Variants in USP6NL observed in about 807,000 individuals in gnomAD.
USP6NL encodes USP6 N-terminal like.
In USP6NL, 26 loss-of-function variants were observed where a neutral mutation model predicts 61.9. That is an observed-to-expected ratio of 0.42 (90% CI 0.31 to 0.58). The LOEUF is 0.58. Among genes scored for constraint, USP6NL ranks in the 20% least tolerant of loss-of-function variants. The probability of loss-of-function intolerance (pLI) is 0.16; values close to 1 mark genes in which losing one functional copy is unlikely to be tolerated. For synonymous variants in USP6NL, 432 were observed against 390.1 expected (o/e 1.11, Z -1.27); for missense variants, 1,114 against 1,034.3 (o/e 1.08, Z -1.06).
Position 11,598,092 on chromosome 10 carries a change from AT to A in USP6NL, c.-83-376del, listed in dbSNP as rs1485029559. ...ACAGCCCACATCATCCCTGCTGAGT[AT>A]ATTTTGACTGCACATAAATGATTAA... On this transcript the variant is annotated intron_variant, in intron 1 of 14. Transcript: ENST00000609104. This position sits in a 1 kb window ranked among gnomAD's most constrained non-coding sequence, Gnocchi z 4.7. Among the ~76,000 whole-genome samples, 4 of 152,206 alleles carry A rather than the reference AT, an allele frequency of 2.6e-5. No homozygotes were observed. The highest frequency in any genetic ancestry group is 9.6e-5 in the African/African-American group (4 of 41,462).
Position 11,485,847 on chromosome 10 carries a change from G to T in USP6NL, c.729C>A (p.Asn243Lys), listed in dbSNP as rs1002618491. The T allele has an allele frequency of 1.9e-6, 3 of 1,556,128 alleles. No homozygotes were observed. Among genetic ancestry groups the T allele is most frequent in the Admixed American group, 2.0e-5 (1 of 50,790 alleles). Residue 243 changes from asparagine to lysine, a missense_variant, in exon 11 of 15, where the codon AAC (asparagine) becomes AAA (lysine). Physicochemically the swap from Asn to Lys is moderately conservative, Grantham distance 94. Transcript: ENST00000609104. The surrounding 1 kb of genome is among the most constrained non-coding windows in gnomAD (Gnocchi z 4.8). ...GTTGCTTAAGCTTGGACAGAAATTT[G>T]TTCAGTATTTTTTCATGATGTTCTT... Reference protein sequence around the residue: ...RFQEHHEKILNKFLSKLKQHL... With the variant: ...RFQEHHEKILKKFLSKLKQHL...
rs66717319 is a variant in USP6NL, at chr10:11,528,304, C to CA, written c.5-738dup. ...AGACTATATAAAAGGCTTCTCTTAC[C>CA]AAAAAAAAAAAGCATTCTAAGAGAA... On this transcript the variant is annotated intron_variant, in intron 2 of 14. Transcript: ENST00000609104. This position sits in a 1 kb window ranked among gnomAD's most constrained non-coding sequence, Gnocchi z 4.6. Among the ~76,000 whole-genome samples, 501 of 135,442 alleles carry CA rather than the reference C, an allele frequency of 3.7e-3. 2 individuals carry two copies. Among genetic ancestry groups the CA allele is most frequent in the African/African-American group, 0.012 (419 of 36,084 alleles). The allele number at this position is 135,442 out of a possible 152,430, so 88.9% of individuals were successfully genotyped here.
chr10:11,540,241 G>A lies in USP6NL; in HGVS notation c.5-12674C>T, dbSNP rs974121010. Reference sequence around the variant, plus strand: ...ATGAATGGTATTCTGAAGAATCCAAGAACAATTTATATGAAATATTCTTTG... The same window carrying A: ...ATGAATGGTATTCTGAAGAATCCAAAAACAATTTATATGAAATATTCTTTG... On this transcript the variant is annotated intron_variant, in intron 2 of 14. Coordinates refer to ENST00000609104, the MANE Select transcript of USP6NL (RefSeq NM_014688.5). This position sits in a 1 kb window ranked among gnomAD's most constrained non-coding sequence, Gnocchi z 5.0. 1.1e-4 allele frequency among the ~76,000 whole-genome samples: 17 copies of A among 152,150 alleles called. No individual in the cohort carries two copies. Among genetic ancestry groups the A allele is most frequent in the African/African-American group, 3.9e-4 (16 of 41,440 alleles).
rs993868744 is a variant in USP6NL at position 11,597,207 on chromosome 10, C to T, written c.4+424G>A. ...CCTTGGTTCTTTGTTCTATCAGAGA[C>T]ATTGATAGATTGTTAGGGGTTTTTT... On this transcript the variant is annotated intron_variant, in intron 2 of 14. Transcript: ENST00000609104. The surrounding 1 kb of genome is among the most constrained non-coding windows in gnomAD (Gnocchi z 4.6). 2.0e-5 allele frequency among the ~76,000 whole-genome samples: 3 copies of T among 152,176 alleles called. No homozygotes were observed. Among genetic ancestry groups the T allele is most frequent in the African/African-American group, 7.2e-5 (3 of 41,442 alleles).
In USP6NL at chr10:11,489,136, G is replaced by C. The variant is rs761910933; in HGVS notation, c.630C>G (p.Val210=). Reference sequence around the variant, plus strand: ...CATGTTTAGGGCCTGAGAAGAGTTTGACCAGGGCCCAGAAGGCATCTTCCT... The same window carrying C: ...CATGTTTAGGGCCTGAGAAGAGTTTCACCAGGGCCCAGAAGGCATCTTCCT... The part of the protein sequence containing the change: ...MNEEDAFWAL[V]KLFSGPKHAM... The change falls in exon 10 of 15, where the codon GTC becomes GTG. Residue 210 remains valine (V), a synonymous_variant. Transcript: ENST00000609104. This position sits in a 1 kb window ranked among gnomAD's most constrained non-coding sequence, Gnocchi z 5.7. 1.2e-6 allele frequency: 2 copies of C among 1,613,914 alleles called. No individual in the cohort carries two copies. The highest frequency in any genetic ancestry group is 2.2e-5 in the East Asian group (1 of 44,876).
Position 11,562,400 on chromosome 10 carries a change from T to A in USP6NL, c.5-34833A>T, listed in dbSNP as rs35345466. The A allele has an allele frequency of 0.24, 236,926 of 985,058 alleles. 30,301 individuals carry two copies. The highest frequency in any genetic ancestry group is 0.26 in the Non-Finnish European group (216,952 of 829,660). 61.0% of individuals were successfully genotyped at this position (985,058 alleles called of 1,614,324 possible). On this transcript the variant is annotated intron_variant, in intron 2 of 14. Coordinates refer to ENST00000609104, the MANE Select transcript of USP6NL (RefSeq NM_014688.5). This position sits in a 1 kb window ranked among gnomAD's most constrained non-coding sequence, Gnocchi z 4.8. ...GACACCAACTTCAGATTTCCCCTTT[T>A]CCTTTTTCTTCTTGCTTGGCTCTTG... is the stretch of plus-strand genomic sequence containing the variant.
At chr10:11,560,456 G>A (rs1019690003) in intron 2 of USP6NL, among the ~76,000 whole-genome samples, 9 of 151,910 alleles carry the variant, frequency 5.9e-5, no homozygotes, top group Non-Finnish European at 2.9e-5. Context: ...CATCTTACTA[G>A]TAAGGAGCAG....
At chr10:11,501,588 C>T (rs887811510) in intron 6 of USP6NL, among the ~76,000 whole-genome samples, 4 of 152,194 alleles carry the variant, frequency 2.6e-5, no homozygotes, top group African/African-American at 9.7e-5. Flanking sequence ...TTTTATCCCA[C>T]ACACCTAAAA....
At chr10:11,599,697 C>A (rs1041962450) in intron 1 of USP6NL, among the ~76,000 whole-genome samples, 8 of 150,932 alleles carry the variant, frequency 5.3e-5, no homozygotes, top group African/African-American at 1.9e-4. Flanking sequence ...TTACACTAAT[C>A]ACAGCTTTAA....
At position 11,528,128 on chromosome 10, in the gene USP6NL, GACACACACACACAC is replaced by G. The variant is rs142649349; in HGVS notation, c.5-575_5-562del. Among the ~76,000 whole-genome samples the G allele has an allele frequency of 1.4e-5, 2 of 142,176 alleles. No individual in the cohort carries two copies. Among genetic ancestry groups the G allele is most frequent in the South Asian group, 4.5e-4 (2 of 4,444 alleles). 93.3% of individuals were successfully genotyped at this position (142,176 alleles called of 152,430 possible). A position where few individuals can be genotyped will look rare whatever the true frequency, so the allele number is the denominator to read the frequency against. On this transcript the variant is annotated intron_variant, in intron 2 of 14. Coordinates refer to ENST00000609104, the MANE Select transcript of USP6NL (RefSeq NM_014688.5). The surrounding 1 kb of genome is among the most constrained non-coding windows in gnomAD (Gnocchi z 4.6). Reference sequence around the variant, plus strand: ...ACATATGTGTGTGGACACACACACAGACACACACACACACACACACACACACACACACCCTTCAT... The same window carrying G: ...ACATATGTGTGTGGACACACACACAGACACACACACACACACACCCTTCAT...
intron 13 of USP6NL, 41 bp downstream of exon 13, chr10:11,484,930 C>T (rs1256054470): frequency 6.9e-7 from 1 of 1,441,884 alleles, no homozygotes. Context: ...AAATAAGCCT[C>T]AATTTTTAAT....
Position 11,595,646 on chromosome 10 carries a change from A to G in USP6NL, c.4+1985T>C, listed in dbSNP as rs2133658122. On this transcript the variant is annotated intron_variant, in intron 2 of 14. Coordinates refer to ENST00000609104, the MANE Select transcript of USP6NL (RefSeq NM_014688.5). This position sits in a 1 kb window ranked among gnomAD's most constrained non-coding sequence, Gnocchi z 5.3. ...GCTAGACCAGCATGAAAAAAACAAAAATCACAAAAAGAAAGAGAGAGACAT... is the reference window on the plus strand; with the variant it reads ...GCTAGACCAGCATGAAAAAAACAAAGATCACAAAAAGAAAGAGAGAGACAT... 6.6e-6 allele frequency among the ~76,000 whole-genome samples: 1 copy of G among 152,022 alleles called. No individual in the cohort carries two copies. The highest frequency in any genetic ancestry group is 3.4e-3 in the Middle Eastern group (1 of 294).
At chr10:11,527,356 T>TG (rs1010716480) in intron 3 of USP6NL, 144 bp downstream of exon 3, 6 of 664,114 alleles carry the variant, frequency 9.0e-6, no homozygotes, top group Non-Finnish European at 1.3e-5. Flanking sequence ...AGACAGGAGA[T>TG]GAAGTCAGCG....
At chr10:11,547,625 C>T (rs4750068) in intron 2 of USP6NL, among the ~76,000 whole-genome samples, 74,536 of 151,250 alleles carry the variant, frequency 0.49, 18,927 homozygotes, top group East Asian at 0.8. Flanking sequence ...CTGCAAGCTC[C>T]GCCTCCCGGG....
chr10:11,581,951 G>A (rs1401969889), intron 2 of USP6NL, among the ~76,000 whole-genome samples: 2 of 151,090 alleles, frequency 1.3e-5, no homozygotes, highest in African/African-American at 2.4e-5. Context: ...TTTTGGTGGC[G>A]GTGGTGGTGG....
Position 11,553,137 on chromosome 10 carries a change from C to A in USP6NL, c.5-25570G>T, listed in dbSNP as rs1208671297. Among the ~76,000 whole-genome samples, 1 of 152,120 alleles carries A rather than the reference C, an allele frequency of 6.6e-6. No individual in the cohort carries two copies. Among genetic ancestry groups the A allele is most frequent in the African/African-American group, 2.4e-5 (1 of 41,436 alleles). On this transcript the variant is annotated intron_variant, in intron 2 of 14. Coordinates refer to ENST00000609104, the MANE Select transcript of USP6NL (RefSeq NM_014688.5). The surrounding 1 kb of genome is among the most constrained non-coding windows in gnomAD (Gnocchi z 4.8). ...AATTTCTCACTAAGTTTTTAATATTCTTTTCAATCATCCTTCCTTTTACAT... is the reference window on the plus strand; with the variant it reads ...AATTTCTCACTAAGTTTTTAATATTATTTTCAATCATCCTTCCTTTTACAT...
chr10:11,580,345 T>C lies in USP6NL; in HGVS notation c.4+17286A>G, dbSNP rs189179613. ...AGAAAGAATCAAAAGCCTTAGCCTT[T>C]TGCATACTATCTGAACAGTAATATT... is the stretch of plus-strand genomic sequence containing the variant. On this transcript the variant is annotated intron_variant, in intron 2 of 14. Transcript: ENST00000609104. Among the ~76,000 whole-genome samples, 571 of 152,338 alleles carry C rather than the reference T, an allele frequency of 3.7e-3. 2 individuals are homozygous for C. The highest frequency in any genetic ancestry group is 5.2e-3 in the Non-Finnish European group (354 of 68,020).
In USP6NL at chr10:11,460,637, AT is replaced by A. The variant is rs2096210980; in HGVS notation, c.*1803del. The A allele has an allele frequency of 1.4e-5, 2 of 144,702 alleles. No individual in the cohort carries two copies. The highest frequency in any genetic ancestry group is 4.5e-4 in the South Asian group (2 of 4,420). The allele number at this position is 144,702 out of a possible 1,614,324, so 9.0% of individuals were successfully genotyped here. Reference sequence around the variant, plus strand: ...ATATATTTTTTGCATATATATATATATATATATATATATATATAAAAATCTA... The same window carrying A: ...ATATATTTTTTGCATATATATATATAATATATATATATATATAAAAATCTA... On this transcript the variant is annotated 3_prime_UTR_variant, in exon 15 of 15. Transcript: ENST00000609104.
At chr10:11,542,528 G>A (rs906836762) in intron 2 of USP6NL, among the ~76,000 whole-genome samples, 1 of 152,132 alleles carries the variant, frequency 6.6e-6, no homozygotes, top group Non-Finnish European at 1.5e-5. Flanking sequence ...AGACCAGCAT[G>A]GCCAACACAG....
Sources: allele counts gnomAD v4.1 joint callset (sites outside exome capture counted in the v4.1 genomes callset), GRCh38; gene constraint gnomAD v4.1.1; non-coding constraint Gnocchi (gnomAD v3.1); transcripts MANE v1.5; gene names NCBI Gene and HGNC (gene_info 2026-07-23, HGNC 2026-07-21).